The following KCNQ2 variants were observed in gnomAD, a reference collection of about 807,000 sequenced individuals.
The protein encoded by KCNQ2 is potassium voltage-gated channel subfamily Q member 2.
In KCNQ2, 14 loss-of-function variants were observed where a neutral mutation model predicts 84.8. The ratio of observed to expected loss-of-function variants is 0.17; its 90% confidence interval spans 0.11 to 0.26. KCNQ2 has a LOEUF of 0.26. Among genes scored for constraint, KCNQ2 ranks in the 10% least tolerant of loss-of-function variants. The pLI, the probability that KCNQ2 is intolerant of heterozygous loss-of-function variation, is 1.00. For synonymous variants in KCNQ2, 599 were observed against 554.1 expected (o/e 1.08, Z -1.14); for missense variants, 788 against 1,254.0 (o/e 0.63, Z 5.61).
At chr20:63,443,463 C>G (rs1268543750) in intron 4 of KCNQ2, among the ~76,000 whole-genome samples, 1 of 30,612 alleles carries the variant, frequency 3.3e-5, no homozygotes, top group Non-Finnish European at 6.7e-5. Flanking sequence ...ACCATCACCA[C>G]CATCACCACC....
chr20:63,424,029 C>A, intron 11 of KCNQ2, 148 bp downstream of exon 11: 1 of 808,498 alleles, frequency 1.2e-6, no homozygotes, highest in Non-Finnish European at 2.1e-6. Flanking sequence ...CACCGCCAGG[C>A]GGGGGTCTGG....
chr20:63,449,996 A>G (rs2081558690), intron 1 of KCNQ2, among the ~76,000 whole-genome samples: 1 of 151,858 alleles, frequency 6.6e-6, no homozygotes, highest in African/African-American at 2.4e-5. Context: ...ACCCACACCC[A>G]GCACACAACC....
intron 10 of KCNQ2, among the ~76,000 whole-genome samples, chr20:63,424,909 G>A (rs75656429): frequency 0.025 from 3,828 of 152,296 alleles, 152 homozygotes; most frequent in South Asian, 0.16. Context: ...CGGCTGGTAC[G>A]CCGTGTTACA....
chr20:63,442,707 TCACCAC>T (rs749330439), intron 4 of KCNQ2, among the ~76,000 whole-genome samples, 176 bp from the exon 5 acceptor site: 3 of 35,416 alleles, frequency 8.5e-5, no homozygotes, highest in Non-Finnish European at 1.5e-4. Context: ...ACCATCACCA[TCACCAC>T]CACCACCACC....
At chr20:63,445,518 C>A in intron 2 of KCNQ2, 154 bp from the exon 3 acceptor site, 3 of 779,312 alleles carry the variant, frequency 3.8e-6, no homozygotes, top group Admixed American at 2.9e-5. Flanking sequence ...CACCCCTCTC[C>A]AGCCTCTGGG....
In KCNQ2 at chr20:63,460,457, A is replaced by G. The variant is rs767299476; in HGVS notation, c.296+11711T>C. ...GCTCCCAGCAGGCCTTCCCCCCCAC[A>G]GCCCCCTGAGACAGCCACGCCTAAC... On this transcript the variant is annotated intron_variant, in intron 1 of 16. Coordinates refer to ENST00000359125, the MANE Select transcript of KCNQ2 (RefSeq NM_172107.4). This position sits in a 1 kb window ranked among gnomAD's most constrained non-coding sequence, Gnocchi z 5.4. 1.7e-5 allele frequency among the ~76,000 whole-genome samples: 2 copies of G among 119,438 alleles called. No homozygotes were observed. The highest frequency in any genetic ancestry group is 3.5e-5 in the Non-Finnish European group (2 of 56,746). The allele number at this position is 119,438 out of a possible 152,430, so 78.4% of individuals were successfully genotyped here. A position where few individuals can be genotyped will look rare whatever the true frequency, so the allele number is the denominator to read the frequency against.
chr20:63,433,912 G>A lies in KCNQ2; in HGVS notation c.1024-9C>T. 3 of 1,612,690 alleles carry A rather than the reference G, an allele frequency of 1.9e-6. No individual in the cohort carries two copies. Among genetic ancestry groups the A allele is most frequent in the Non-Finnish European group, 2.5e-6 (3 of 1,179,520 alleles). ...TAGAATCTCCAGGCCGACTGCGGAG[G>A]GAAAGACAAGGCAGTTGGCGAGGGG... On this transcript the variant is annotated splice_polypyrimidine_tract_variant and intron_variant, in intron 7 of 16. Coordinates refer to ENST00000359125, the MANE Select transcript of KCNQ2 (RefSeq NM_172107.4).
intron 1 of KCNQ2, among the ~76,000 whole-genome samples, chr20:63,456,823 G>A (rs1044555731): frequency 4.6e-5 from 7 of 152,202 alleles, no homozygotes; most frequent in African/African-American, 1.7e-4. Flanking sequence ...GCCTCCTTAG[G>A]CAGAAATTCC....
intron 1 of KCNQ2, among the ~76,000 whole-genome samples, chr20:63,466,214 C>T (rs1170472858): frequency 1.3e-5 from 2 of 152,170 alleles, no homozygotes; most frequent in African/African-American, 4.8e-5. Flanking sequence ...TCTCCGCGGC[C>T]GGTCCCACAC....
chr20:63,418,913 A>G (rs1347796783), intron 12 of KCNQ2, among the ~76,000 whole-genome samples: 1 of 152,216 alleles, frequency 6.6e-6, no homozygotes, highest in Non-Finnish European at 1.5e-5. Flanking sequence ...GCACATGCCA[A>G]GGAGAGCCCC....
intron 15 of KCNQ2, chr20:63,412,150 G>A (rs375067241): frequency 6.8e-6 from 3 of 439,420 alleles, no homozygotes; most frequent in South Asian, 5.2e-5. Context: ...AGCGTGGAGT[G>A]CAGGGGAGGT....
intron 6 of KCNQ2, among the ~76,000 whole-genome samples, chr20:63,439,069 C>T (rs886659019): frequency 1.1e-4 from 16 of 152,192 alleles, no homozygotes; most frequent in Admixed American, 7.2e-4. Context: ...TCAGAGTGGC[C>T]TCTTTCCCTT....
Position 63,408,146 on chromosome 20 carries a change from A to G in KCNQ2, c.1887+267T>C. ...TCCACAAGGAACCCCTGAGGGATCCACCTCTCAGCAGCCCCCACCCAGGAC... is the reference window on the plus strand; with the variant it reads ...TCCACAAGGAACCCCTGAGGGATCCGCCTCTCAGCAGCCCCCACCCAGGAC... On this transcript the variant is annotated intron_variant, in intron 16 of 16. Coordinates refer to ENST00000359125, the MANE Select transcript of KCNQ2 (RefSeq NM_172107.4). This position sits in a 1 kb window ranked among gnomAD's most constrained non-coding sequence, Gnocchi z 5.0. The G allele has an allele frequency of 2.0e-6, 1 of 499,052 alleles. No individual in the cohort carries two copies. The highest frequency in any genetic ancestry group is 3.7e-6 in the Non-Finnish European group (1 of 272,278). The allele number at this position is 499,052 out of a possible 1,614,324, so 30.9% of individuals were successfully genotyped here.
intron 5 of KCNQ2, among the ~76,000 whole-genome samples, chr20:63,440,391 T>C (rs1487695902): frequency 6.6e-6 from 1 of 152,108 alleles, no homozygotes; most frequent in African/African-American, 2.4e-5. Flanking sequence ...GAGATGCCTG[T>C]GCCGGGGCCG....
chr20:63,432,782 C>T (rs1185699665), intron 8 of KCNQ2, among the ~76,000 whole-genome samples: 1 of 118,360 alleles, frequency 8.4e-6, no homozygotes, highest in East Asian at 2.0e-4. Flanking sequence ...TCAGGGAAGG[C>T]CCCACCCTCA....
chr20:63,430,292 T>A (rs6089912), intron 9 of KCNQ2, among the ~76,000 whole-genome samples: 65,349 of 152,030 alleles, frequency 0.43, 14,221 homozygotes, highest in East Asian at 0.6. Flanking sequence ...AGCGCCAGCC[T>A]CCTGGCCCCA....
chr20:63,439,797 A>T, intron 5 of KCNQ2, 89 bp from the exon 6 acceptor site: 1 of 956,196 alleles, frequency 1.0e-6, no homozygotes, highest in South Asian at 1.3e-5. Context: ...GGGGCTTGGG[A>T]TGGGACAGAT....
rs1568912320 is a variant in KCNQ2 at position 63,431,980 on chromosome 20, G to GGGAAGGCCTCACCCA, written c.1119-612_1119-611insTGGGTGAGGCCTTCC. 6.3e-4 allele frequency among the ~76,000 whole-genome samples: 72 copies of GGGAAGGCCTCACCCA among 115,128 alleles called. 3 individuals carry two copies. The South Asian group carries it at 0.017, about 27-fold the overall frequency. 75.5% of individuals were successfully genotyped at this position (115,128 alleles called of 152,430 possible). A position where few individuals can be genotyped will look rare whatever the true frequency, so the allele number is the denominator to read the frequency against. ...TCCACCCACAGGGAAGGCCCCACCCGCAGGGAAGGCCCCACCCTCAGGGAA... is the reference window on the plus strand; with the variant it reads ...TCCACCCACAGGGAAGGCCCCACCCGGGAAGGCCTCACCCACAGGGAAGGCCCCACCCTCAGGGAA... On this transcript the variant is annotated intron_variant, in intron 8 of 16. Transcript: ENST00000359125.
intron 1 of KCNQ2, among the ~76,000 whole-genome samples, chr20:63,452,252 C>T (rs573390122): frequency 2.0e-5 from 3 of 152,376 alleles, no homozygotes; most frequent in African/African-American, 7.2e-5. Flanking sequence ...ATTCTACCCA[C>T]GTACACCCCG....
Sources: allele counts gnomAD v4.1 joint callset (sites outside exome capture counted in the v4.1 genomes callset), GRCh38; gene constraint gnomAD v4.1.1; non-coding constraint Gnocchi (gnomAD v3.1); transcripts MANE v1.5; gene names NCBI Gene and HGNC (gene_info 2026-07-23, HGNC 2026-07-21).